Variants in PLEKHA3 observed in about 807,000 individuals in gnomAD.
The protein encoded by PLEKHA3 is pleckstrin homology domain containing A3.
A neutral mutation model predicts 39.2 loss-of-function variants in PLEKHA3; 19 were observed. That is an observed-to-expected ratio of 0.48 (90% CI 0.34 to 0.71). PLEKHA3 has a LOEUF of 0.71. Among genes scored for constraint, PLEKHA3 ranks in the 30% least tolerant of loss-of-function variants. The pLI is 0.01. For missense variants in PLEKHA3, 253 were observed against 359.5 expected, an observed-to-expected ratio of 0.70 and a Z score of 2.40; for synonymous variants, 97 against 118.6, an observed-to-expected ratio of 0.82 and a Z score of 1.18.
Position 178,512,355 on chromosome 2 carries a change from GGTT to G in PLEKHA3, c.*8472_*8474del, listed in dbSNP as rs1685702116. On this transcript the variant is annotated 3_prime_UTR_variant, in exon 8 of 8. Coordinates refer to ENST00000234453, the MANE Select transcript of PLEKHA3 (RefSeq NM_019091.4). ...GCAATTTTTTTTGACATAAATGAAG[GGTT>G]GTTTCCATGGGTAATATATTCAGAA... 1.3e-5 allele frequency: 2 copies of G among 152,062 alleles called. No individual in the cohort carries two copies. The highest frequency in any genetic ancestry group is 4.1e-4 in the South Asian group (2 of 4,830). 9.4% of individuals were successfully genotyped at this position (152,062 alleles called of 1,614,324 possible). A position where few individuals can be genotyped will look rare whatever the true frequency, so the allele number is the denominator to read the frequency against.
chr2:178,502,115 T>C (rs755223462), intron 7 of PLEKHA3, among the ~76,000 whole-genome samples: 1 of 151,996 alleles, frequency 6.6e-6, no homozygotes, highest in Non-Finnish European at 1.5e-5. Flanking sequence ...TTGAAAACAC[T>C]GATTAAGCTG....
intron 2 of PLEKHA3, chr2:178,489,080 C>T: frequency 2.6e-6 from 1 of 384,218 alleles, no homozygotes; most frequent in South Asian, 2.1e-5. Context: ...GAAATTAGAG[C>T]ATTGCTTTCT....
At position 178,511,060 on chromosome 2, in the gene PLEKHA3, G is replaced by A. The variant is rs1316992766; in HGVS notation, c.*7173G>A. The stretch of plus-strand genomic sequence containing the variant: ...CTTTTTTGTGTCTGGATTCAGAGAG[G>A]TATGATAATGAGATTCTCTTCTAGA... On this transcript the variant is annotated 3_prime_UTR_variant, in exon 8 of 8. Coordinates refer to ENST00000234453, the MANE Select transcript of PLEKHA3 (RefSeq NM_019091.4). The A allele has an allele frequency of 6.6e-6, 1 of 152,114 alleles. No homozygotes were observed. The highest frequency in any genetic ancestry group is 2.4e-5 in the African/African-American group (1 of 41,406). 9.4% of individuals were successfully genotyped at this position (152,114 alleles called of 1,614,324 possible).
At chr2:178,502,533 T>C (rs1441646965) in intron 7 of PLEKHA3, 2 of 186,986 alleles carry the variant, frequency 1.1e-5, no homozygotes, top group Non-Finnish European at 2.5e-5. Flanking sequence ...TACACATGAC[T>C]CTTAATCCAG....
Position 178,515,985 on chromosome 2 carries a change from A to T in PLEKHA3, c.*12098A>T, listed in dbSNP as rs1163035145. ...TATTGTTAGAAACATAAGCACATGA[A>T]TTTTTTTGGCCTTTTAAATGTCTTT... On this transcript the variant is annotated 3_prime_UTR_variant, in exon 8 of 8. Coordinates refer to ENST00000234453, the MANE Select transcript of PLEKHA3 (RefSeq NM_019091.4). The T allele has an allele frequency of 6.6e-6, 1 of 151,702 alleles. No individual in the cohort carries two copies. Among genetic ancestry groups the T allele is most frequent in the Non-Finnish European group, 1.5e-5 (1 of 67,870 alleles). The allele number at this position is 151,702 out of a possible 1,614,324, so 9.4% of individuals were successfully genotyped here.
intron 5 of PLEKHA3, 101 bp downstream of exon 5, chr2:178,495,761 G>T: frequency 2.3e-6 from 3 of 1,293,584 alleles, no homozygotes; most frequent in Non-Finnish European, 3.2e-6. Flanking sequence ...CAGGCAGTTG[G>T]GGGGCGGGGA....
At chr2:178,480,959 G>C (rs756848886) in intron 1 of PLEKHA3, 50 bp downstream of exon 1, 24 of 1,300,686 alleles carry the variant, frequency 1.8e-5, no homozygotes, top group Non-Finnish European at 2.3e-5. Flanking sequence ...GGGGGCTGCT[G>C]AGAAGGCGGG....
At chr2:178,491,985 C>T (rs921603391) in intron 3 of PLEKHA3, among the ~76,000 whole-genome samples, 3 of 152,156 alleles carry the variant, frequency 2.0e-5, no homozygotes, top group African/African-American at 7.2e-5. Context: ...CTTTGACGAC[C>T]TAATCACTTG....
chr2:178,503,488 G>A (rs1404186633), intron 7 of PLEKHA3, among the ~76,000 whole-genome samples: 1 of 151,868 alleles, frequency 6.6e-6, no homozygotes, highest in African/African-American at 2.4e-5. Context: ...CCTATTATGT[G>A]CCAACCATGA....
At chr2:178,501,595 T>C (rs1251245575) in intron 7 of PLEKHA3, among the ~76,000 whole-genome samples, 3 of 152,016 alleles carry the variant, frequency 2.0e-5, no homozygotes, top group Non-Finnish European at 4.4e-5. Flanking sequence ...GAATTTTGTC[T>C]GGTAGTCACA....
rs1206840814 is a variant in PLEKHA3 at position 178,509,241 on chromosome 2, G to A, written c.*5354G>A. ...GGTTGGTTTGTATGTTTCACTGAAA[G>A]TCTAGATTTAAATTCTAATAGTGTA... On this transcript the variant is annotated 3_prime_UTR_variant, in exon 8 of 8. Coordinates refer to ENST00000234453, the MANE Select transcript of PLEKHA3 (RefSeq NM_019091.4). The A allele has an allele frequency of 3.3e-5, 5 of 152,122 alleles. No homozygotes were observed. Among genetic ancestry groups the A allele is most frequent in the Non-Finnish European group, 5.9e-5 (4 of 68,018 alleles). 9.4% of individuals were successfully genotyped at this position (152,122 alleles called of 1,614,324 possible). A position where few individuals can be genotyped will look rare whatever the true frequency, so the allele number is the denominator to read the frequency against.
intron 1 of PLEKHA3, among the ~76,000 whole-genome samples, chr2:178,482,726 T>C (rs1475637329): frequency 6.6e-6 from 1 of 152,156 alleles, no homozygotes; most frequent in Admixed American, 6.5e-5. Flanking sequence ...TTATCTCCTA[T>C]GGTACTAAAT....
At chr2:178,499,980 C>G (rs545937369) in intron 6 of PLEKHA3, among the ~76,000 whole-genome samples, 13 of 152,168 alleles carry the variant, frequency 8.5e-5, no homozygotes, top group African/African-American at 3.1e-4. Flanking sequence ...GCTGTTGTTT[C>G]ATTAAGAGAG....
intron 4 of PLEKHA3, among the ~76,000 whole-genome samples, chr2:178,495,246 C>G (rs1249183981): frequency 6.6e-6 from 1 of 152,084 alleles, no homozygotes; most frequent in East Asian, 1.9e-4. Flanking sequence ...AAATGCAAAG[C>G]TTATTTTTTC....
chr2:178,488,169 C>A (rs1685282880), intron 2 of PLEKHA3, among the ~76,000 whole-genome samples: 1 of 151,816 alleles, frequency 6.6e-6, no homozygotes, highest in South Asian at 2.1e-4. Flanking sequence ...TCTTTCAAGT[C>A]TTTGGCCCAT....
intron 2 of PLEKHA3, chr2:178,488,937 A>G (rs1356979016): frequency 6.6e-6 from 3 of 451,358 alleles, no homozygotes; most frequent in African/African-American, 4.1e-5. Flanking sequence ...ATGTTTTGGA[A>G]GCATCATTTT....
rs1685637818 is a variant in PLEKHA3 at position 178,508,582 on chromosome 2, C to G, written c.*4695C>G. ...TATGTGGGCAGGGTTTATAAGTTGT[C>G]TAAAGGGCCATCAGGTAGAGTTGGC... On this transcript the variant is annotated 3_prime_UTR_variant, in exon 8 of 8. Transcript: ENST00000234453. The G allele has an allele frequency of 6.5e-6, 1 of 153,688 alleles. No homozygotes were observed. Among genetic ancestry groups the G allele is most frequent in the Non-Finnish European group, 1.5e-5 (1 of 68,036 alleles). The allele number at this position is 153,688 out of a possible 1,614,324, so 9.5% of individuals were successfully genotyped here. A position where few individuals can be genotyped will look rare whatever the true frequency, so the allele number is the denominator to read the frequency against.
intron 1 of PLEKHA3, among the ~76,000 whole-genome samples, chr2:178,484,498 C>A (rs748883092): frequency 6.6e-6 from 1 of 152,056 alleles, no homozygotes; most frequent in African/African-American, 2.4e-5. Flanking sequence ...GGAATTAAGT[C>A]CTGGATCTGT....
intron 2 of PLEKHA3, among the ~76,000 whole-genome samples, chr2:178,487,052 C>T (rs1318164685): frequency 1.3e-5 from 2 of 152,132 alleles, no homozygotes; most frequent in African/African-American, 4.8e-5. Context: ...GGCTCAACTC[C>T]AAGTACAAGG....
Sources: gnomAD v4.1 joint callset for allele counts (sites outside exome capture counted in the v4.1 genomes callset) on GRCh38, gnomAD v4.1.1 for gene constraint, MANE v1.5 for transcripts, NCBI Gene and HGNC (gene_info 2026-07-23, HGNC 2026-07-21) for gene names.